MGAT5B: variants seen among roughly 807,000 people sequenced by gnomAD.
MGAT5B encodes the protein N-acetylglucosaminyl-transferase Vb.
In MGAT5B, 54 loss-of-function variants were observed where a neutral mutation model predicts 95.1. The ratio of observed to expected loss-of-function variants is 0.57; its 90% CI spans 0.46 to 0.71. The LOEUF is 0.71. MGAT5B is among the 30% of genes least tolerant of loss of function. MGAT5B has a pLI of 0.00. For synonymous variants in MGAT5B, 464 were observed against 451.0 expected (o/e 1.03, Z -0.36); for missense variants, 935 against 1,088.6 (o/e 0.86, Z 1.99).
intron 3 of MGAT5B, among the ~76,000 whole-genome samples, chr17:76,894,253 G>A (rs551119873): frequency 6.6e-6 from 1 of 152,350 alleles, no homozygotes; most frequent in Admixed American, 6.5e-5. Flanking sequence ...GAACTTTGGG[G>A]CTAGGCTGCC....
intron 3 of MGAT5B, among the ~76,000 whole-genome samples, chr17:76,892,983 G>T (rs905036038): frequency 6.6e-6 from 1 of 152,176 alleles, no homozygotes; most frequent in Non-Finnish European, 1.5e-5. Flanking sequence ...AGGGCTGAGG[G>T]GTGAGCTCCC....
At chr17:76,883,666 G>A (rs537387241) in intron 3 of MGAT5B, among the ~76,000 whole-genome samples, 2 of 152,280 alleles carry the variant, frequency 1.3e-5, no homozygotes, top group Admixed American at 6.5e-5. Flanking sequence ...TATATATTGG[G>A]GTTCTTTGTG....
At chr17:76,901,800 C>G (rs1968323191) in intron 3 of MGAT5B, among the ~76,000 whole-genome samples, 1 of 152,236 alleles carries the variant, frequency 6.6e-6, no homozygotes, top group Non-Finnish European at 1.5e-5. Flanking sequence ...CTCGGAGAGG[C>G]CCGGCTGTGC....
At chr17:76,911,002 G>A (rs896115697) in intron 8 of MGAT5B, among the ~76,000 whole-genome samples, 1 of 152,232 alleles carries the variant, frequency 6.6e-6, no homozygotes, top group African/African-American at 2.4e-5. Flanking sequence ...CCCCAGTTAT[G>A]CCTACAAAAG....
chr17:76,899,265 T>C (rs1230417895), intron 3 of MGAT5B, among the ~76,000 whole-genome samples: 1 of 152,186 alleles, frequency 6.6e-6, no homozygotes, highest in African/African-American at 2.4e-5. Flanking sequence ...CCTCCTGTCA[T>C]GATGGGAGCC....
intron 2 of MGAT5B, among the ~76,000 whole-genome samples, chr17:76,877,569 C>T (rs573821317): frequency 7.9e-5 from 12 of 152,236 alleles, no homozygotes; most frequent in Middle Eastern, 6.8e-3. Context: ...GATGGGGGAC[C>T]GGGGCCCGGA....
Position 76,940,795 on chromosome 17 carries a change from TACA to T in MGAT5B, c.1801_1803del (p.Asn601del), listed in dbSNP as rs1027888570. ...CAAGCCCCACGTGTGGACAGTCGACTACAACAACTCAGAGGAGTTTGAAGCAGC... is the reference window on the plus strand; with the variant it reads ...CAAGCCCCACGTGTGGACAGTCGACTACAACTCAGAGGAGTTTGAAGCAGC... On this transcript the variant is annotated inframe_deletion, in exon 15 of 18. Transcript: ENST00000569840. The surrounding 1 kb of genome is among the most constrained non-coding windows in gnomAD (Gnocchi z 4.3). The T allele has an allele frequency of 6.2e-7, 1 of 1,614,144 alleles. No homozygotes were observed. The highest frequency in any genetic ancestry group is 8.5e-7 in the Non-Finnish European group (1 of 1,180,028).
In MGAT5B at chr17:76,948,069, C is replaced by T. The variant is rs71384132; in HGVS notation, c.2163C>T (p.Ser721=). 170,252 of 1,604,474 alleles carry T rather than the reference C, an allele frequency of 0.11. 9,665 individuals are homozygous for T. The highest frequency in any genetic ancestry group is 0.14 in the Middle Eastern group (813 of 6,016). Residue 721 remains serine, a synonymous_variant, in exon 17 of 18, where the codon AGC becomes AGT. Transcript: ENST00000569840. ...CCTCCTTCTTCCCCTTCCTGAACAG[C>T]CAGGACGCCTTCCTCAAGTGAGTGT... ...CEPSFFPFLN[S]QDAFLKLQVP...
intron 3 of MGAT5B, among the ~76,000 whole-genome samples, chr17:76,892,567 G>A (rs1265264607): frequency 1.3e-5 from 2 of 152,220 alleles, no homozygotes; most frequent in African/African-American, 4.8e-5. Flanking sequence ...TTGCTAGGAG[G>A]ACTCAGAACT....
intron 15 of MGAT5B, among the ~76,000 whole-genome samples, chr17:76,943,627 G>GTCGGGGGT (rs147464587): frequency 1.4e-5 from 2 of 145,072 alleles, no homozygotes; most frequent in South Asian, 4.6e-4. Context: ...GTGGGGTGGG[G>GTCGGGGGT]GGGGGGTCTC....
At chr17:76,877,149 AACCCCAT>A in intron 2 of MGAT5B, among the ~76,000 whole-genome samples, 1 of 151,940 alleles carries the variant, frequency 6.6e-6, no homozygotes, top group South Asian at 2.1e-4. Flanking sequence ...AGCGTGGTGA[AACCCCAT>A]CTCTACTAAA....
Position 76,868,841 on chromosome 17 carries a change from G to A in MGAT5B, c.-189G>A, listed in dbSNP as rs566799763. 7.8e-5 allele frequency: 27 copies of A among 345,456 alleles called. No homozygotes were observed. The South Asian group carries it at 2.8e-3, about 35-fold the overall frequency. 21.4% of individuals were successfully genotyped at this position (345,456 alleles called of 1,614,324 possible). A position where few individuals can be genotyped will look rare whatever the true frequency, so the allele number is the denominator to read the frequency against. On this transcript the variant is annotated 5_prime_UTR_variant, in exon 1 of 18. Coordinates refer to ENST00000569840, the MANE Select transcript of MGAT5B (RefSeq NM_001199172.2). The surrounding 1 kb of genome is among the most constrained non-coding windows in gnomAD (Gnocchi z 6.3). The stretch of plus-strand genomic sequence containing the variant: ...CGGCCGGGCGCCCTCGCCGCCCTCC[G>A]GCAGCCGCGCCGCTCCCTCCGCTGC...
At chr17:76,883,994 G>C (rs1394940593) in intron 3 of MGAT5B, among the ~76,000 whole-genome samples, 2 of 152,204 alleles carry the variant, frequency 1.3e-5, no homozygotes, top group Admixed American at 6.5e-5. Context: ...CCTCTAACTG[G>C]CCTTGCCGAT....
intron 15 of MGAT5B, among the ~76,000 whole-genome samples, chr17:76,945,208 C>T (rs2145288580): frequency 1.3e-5 from 2 of 152,276 alleles, no homozygotes; most frequent in African/African-American, 4.8e-5. Context: ...TCACTCTTCC[C>T]TCCACTCCCC....
At chr17:76,931,850 G>A (rs1969485060) in intron 10 of MGAT5B, among the ~76,000 whole-genome samples, 1 of 152,192 alleles carries the variant, frequency 6.6e-6, no homozygotes, top group Non-Finnish European at 1.5e-5. Flanking sequence ...TGCTGCCTAT[G>A]GGCGCAGGTG....
At chr17:76,881,895 C>T (rs1006510885) in intron 2 of MGAT5B, among the ~76,000 whole-genome samples, 1 of 152,222 alleles carries the variant, frequency 6.6e-6, no homozygotes, top group African/African-American at 2.4e-5. Flanking sequence ...AGGAAATGAT[C>T]CCAATGTCAC....
At chr17:76,882,373 G>A (rs772651230) in intron 3 of MGAT5B, 75 bp downstream of exon 3, 215 of 1,488,322 alleles carry the variant, frequency 1.4e-4, no homozygotes, top group Non-Finnish European at 1.8e-4. Context: ...GGTGCTGTCC[G>A]TCATCTCCTT....
intron 10 of MGAT5B, among the ~76,000 whole-genome samples, chr17:76,927,542 C>T (rs1209695353): frequency 6.6e-6 from 1 of 152,166 alleles, no homozygotes; most frequent in Admixed American, 6.5e-5. Flanking sequence ...GCCCGGGTTT[C>T]AGCTGTTTTT....
intron 8 of MGAT5B, among the ~76,000 whole-genome samples, chr17:76,922,996 G>A (rs1034061850): frequency 6.6e-6 from 1 of 152,114 alleles, no homozygotes; most frequent in Non-Finnish European, 1.5e-5. Flanking sequence ...TCTGCAGGGC[G>A]AGGCTGACCT....
Sources: gnomAD v4.1 joint callset for allele counts (sites outside exome capture counted in the v4.1 genomes callset) on GRCh38, gnomAD v4.1.1 for gene constraint, Gnocchi (gnomAD v3.1) non-coding constraint, MANE v1.5 for transcripts, NCBI Gene and HGNC (gene_info 2026-07-23, HGNC 2026-07-21) for gene names.